The following KCNQ1 variants were observed in gnomAD, a reference collection of about 807,000 sequenced individuals.
The protein encoded by KCNQ1 is potassium voltage-gated channel subfamily KQT member 1.
A neutral mutation model predicts 72.4 loss-of-function variants in KCNQ1; 49 were observed. The observed-to-expected ratio is 0.68, with a 90% confidence interval of 0.54 to 0.86. KCNQ1 has a LOEUF of 0.86. KCNQ1 is among the 40% of genes least tolerant of loss of function. The pLI, the probability that KCNQ1 is intolerant of heterozygous loss-of-function variation, is 0.00. For synonymous variants in KCNQ1, 450 were observed against 412.6 expected (o/e 1.09, Z -1.10); for missense variants, 790 against 945.1 (o/e 0.84, Z 2.15).
rs1035141976 is a variant in KCNQ1, at chr11:2,616,894, G to T, written c.1393+28040G>T. On this transcript the variant is annotated intron_variant, in intron 10 of 15. Coordinates refer to ENST00000155840, the MANE Select transcript of KCNQ1 (RefSeq NM_000218.3). ...CCATATATGTTTGTAGGTCTAGTTG[G>T]TTTATGGTATTGTTCAAGTCCTCTC... is the stretch of plus-strand genomic sequence containing the variant. The T allele has an allele frequency of 3.5e-5, 14 of 397,864 alleles. No individual in the cohort carries two copies. In the Admixed American group the frequency reaches 6.2e-4, roughly 18 times the overall value. 24.6% of individuals were successfully genotyped at this position (397,864 alleles called of 1,614,324 possible).
At chr11:2,619,329 G>A (rs1181427624) in intron 10 of KCNQ1, 6 of 398,250 alleles carry the variant, frequency 1.5e-5, no homozygotes, top group Non-Finnish European at 2.7e-5. Context: ...AATGGCATTC[G>A]TTATATTGAG....
chr11:2,624,221 G>T lies in KCNQ1; in HGVS notation c.1393+35367G>T, dbSNP rs1338881960. 2 of 398,370 alleles carry T rather than the reference G, an allele frequency of 5.0e-6. No homozygotes were observed. Among genetic ancestry groups the T allele is most frequent in the Non-Finnish European group, 8.8e-6 (2 of 226,044 alleles). The allele number at this position is 398,370 out of a possible 1,614,324, so 24.7% of individuals were successfully genotyped here. A position where few individuals can be genotyped will look rare whatever the true frequency, so the allele number is the denominator to read the frequency against. On this transcript the variant is annotated intron_variant, in intron 10 of 15. Coordinates refer to ENST00000155840, the MANE Select transcript of KCNQ1 (RefSeq NM_000218.3). This position sits in a 1 kb window ranked among gnomAD's most constrained non-coding sequence, Gnocchi z 4.9. The stretch of plus-strand genomic sequence containing the variant: ...TAGTTGCCATCTGTATATCTTCATT[G>T]GTGAGATGTCTGTTAAGGTCTTCAG...
Position 2,728,583 on chromosome 11 carries a change from C to T in KCNQ1, c.1515-40261C>T, listed in dbSNP as rs1361367403. ...CTCTGGCACAGCCCACCAGCAGAGC[C>T]GGGCCTTGGGAGCGTGAGGGCACGG... On this transcript the variant is annotated intron_variant, in intron 11 of 15. Coordinates refer to ENST00000155840, the MANE Select transcript of KCNQ1 (RefSeq NM_000218.3). 3.3e-5 allele frequency among the ~76,000 whole-genome samples: 5 copies of T among 152,322 alleles called. No individual in the cohort carries two copies. The East Asian group carries it at 5.8e-4, about 18-fold the overall frequency.
intron 1 of KCNQ1, among the ~76,000 whole-genome samples, chr11:2,467,783 G>A (rs1306419750): frequency 1.3e-5 from 2 of 152,324 alleles, no homozygotes; most frequent in South Asian, 4.1e-4. Context: ...TTGCTCCCCT[G>A]ATCCCTTCCC....
intron 6 of KCNQ1, among the ~76,000 whole-genome samples, chr11:2,576,789 G>A (rs959391405): frequency 5.3e-5 from 8 of 152,240 alleles, no homozygotes; most frequent in African/African-American, 1.2e-4. Context: ...ACTGCCCAGC[G>A]GGAGGGGTGG....
chr11:2,842,027 C>T (rs559079031), intron 15 of KCNQ1, among the ~76,000 whole-genome samples: 8 of 152,192 alleles, frequency 5.3e-5, no homozygotes, highest in Admixed American at 5.2e-4. Flanking sequence ...AGGACATAAC[C>T]GACCATGAGC....
At position 2,445,399 on chromosome 11, in the gene KCNQ1, T is replaced by C. The variant is rs1186850886; in HGVS notation, c.301T>C (p.Leu101=). Residue 101 remains leucine, a synonymous_variant, in exon 1 of 16, where the codon TTG becomes CTG. Transcript: ENST00000155840. ...CATCTACAGCACGCGCCGCCCGGTGTTGGCGCGCACCCACGTCCAGGGCCG... is the reference window on the plus strand; with the variant it reads ...CATCTACAGCACGCGCCGCCCGGTGCTGGCGCGCACCCACGTCCAGGGCCG... ...VSIYSTRRPV[L]ARTHVQGRVY... The C allele has an allele frequency of 3.1e-6, 5 of 1,597,754 alleles. No individual in the cohort carries two copies. The highest frequency in any genetic ancestry group is 4.2e-6 in the Non-Finnish European group (5 of 1,179,692).
intron 15 of KCNQ1, among the ~76,000 whole-genome samples, chr11:2,802,423 A>G (rs1199269442): frequency 6.6e-6 from 1 of 152,178 alleles, no homozygotes; most frequent in Non-Finnish European, 1.5e-5. Flanking sequence ...GGAATGTGCC[A>G]TCCTCGGGCG....
Position 2,599,062 on chromosome 11 carries a change from G to A in KCNQ1, c.1393+10208G>A, listed in dbSNP as rs574845855. ...ATTCACACTTTAACTTTACAGATGAGTAGAATGGAATAGATGTGTTTCAGT... is the reference window on the plus strand; with the variant it reads ...ATTCACACTTTAACTTTACAGATGAATAGAATGGAATAGATGTGTTTCAGT... On this transcript the variant is annotated intron_variant, in intron 10 of 15. Coordinates refer to ENST00000155840, the MANE Select transcript of KCNQ1 (RefSeq NM_000218.3). This position sits in a 1 kb window ranked among gnomAD's most constrained non-coding sequence, Gnocchi z 4.7. Among the ~76,000 whole-genome samples, 2 of 152,190 alleles carry A rather than the reference G, an allele frequency of 1.3e-5. No homozygotes were observed. The highest frequency in any genetic ancestry group is 2.9e-5 in the Non-Finnish European group (2 of 68,040).
Position 2,538,351 on chromosome 11 carries a change from G to A in KCNQ1, c.477+10333G>A, listed in dbSNP as rs536452246. Among the ~76,000 whole-genome samples, 2 of 152,252 alleles carry A rather than the reference G, an allele frequency of 1.3e-5. No individual in the cohort carries two copies. The highest frequency in any genetic ancestry group is 4.8e-5 in the African/African-American group (2 of 41,538). On this transcript the variant is annotated intron_variant, in intron 2 of 15. Coordinates refer to ENST00000155840, the MANE Select transcript of KCNQ1 (RefSeq NM_000218.3). The surrounding 1 kb of genome is among the most constrained non-coding windows in gnomAD (Gnocchi z 6.7). ...CTTGGGGACAGTCCCCTGGCCCCAC[G>A]GATGTTGTGTGGACGAGTTGGAGGG... is the stretch of plus-strand genomic sequence containing the variant.
intron 1 of KCNQ1, among the ~76,000 whole-genome samples, chr11:2,517,082 A>G (rs1184770103): frequency 6.6e-6 from 1 of 152,170 alleles, no homozygotes; most frequent in Non-Finnish European, 1.5e-5. Context: ...CACGCTCCGC[A>G]CTGAGGTGTG....
intron 11 of KCNQ1, chr11:2,684,109 A>G: frequency 2.5e-6 from 1 of 398,640 alleles, no homozygotes; most frequent in Non-Finnish European, 4.4e-6. Flanking sequence ...ACCCTTTCAC[A>G]TAGATTCTTA....
chr11:2,618,500 G>A (rs960202439), intron 10 of KCNQ1: 1 of 398,342 alleles, frequency 2.5e-6, no homozygotes, highest in Non-Finnish European at 4.4e-6. Flanking sequence ...GTGGAAAATT[G>A]GTTGATCATA....
chr11:2,702,361 C>T (rs1850830139), intron 11 of KCNQ1, among the ~76,000 whole-genome samples: 1 of 152,206 alleles, frequency 6.6e-6, no homozygotes, highest in Non-Finnish European at 1.5e-5. Flanking sequence ...TGTCTCCCAG[C>T]CTTTGTTGTT....
intron 12 of KCNQ1, among the ~76,000 whole-genome samples, chr11:2,770,831 AAG>A (rs1846583690): frequency 6.6e-6 from 1 of 152,216 alleles, no homozygotes; most frequent in Non-Finnish European, 1.5e-5. Context: ...GGGGCAATGG[AAG>A]AGAGAGGCCA....
At position 2,668,242 on chromosome 11, in the gene KCNQ1, T is replaced by G; in HGVS notation, c.1514+6161T>G. On this transcript the variant is annotated intron_variant, in intron 11 of 15. Coordinates refer to ENST00000155840, the MANE Select transcript of KCNQ1 (RefSeq NM_000218.3). This position sits in a 1 kb window ranked among gnomAD's most constrained non-coding sequence, Gnocchi z 4.3. ...TACCACCTGTGGCCAGCAGGCAGTT[T>G]CTGGTGTAGGTTGCTGTTTAAGAAT... 2 of 398,646 alleles carry G rather than the reference T, an allele frequency of 5.0e-6. No individual in the cohort carries two copies. The highest frequency in any genetic ancestry group is 8.8e-6 in the Non-Finnish European group (2 of 226,096). The allele number at this position is 398,646 out of a possible 1,614,324, so 24.7% of individuals were successfully genotyped here. A position where few individuals can be genotyped will look rare whatever the true frequency, so the allele number is the denominator to read the frequency against.
In KCNQ1 at chr11:2,748,172, C is replaced by T. The variant is rs1005209863; in HGVS notation, c.1515-20672C>T. On this transcript the variant is annotated intron_variant, in intron 11 of 15. Transcript: ENST00000155840. The surrounding 1 kb of genome is among the most constrained non-coding windows in gnomAD (Gnocchi z 6.2). ...GACACCCAGAACTGGCCAGGAAAGA[C>T]CCCTACACAGACCCCCAGCTCTGCA... Among the ~76,000 whole-genome samples the T allele has an allele frequency of 6.6e-6, 1 of 152,144 alleles. No homozygotes were observed. Among genetic ancestry groups the T allele is most frequent in the African/African-American group, 2.4e-5 (1 of 41,422 alleles).
In KCNQ1 at chr11:2,683,429, G is replaced by A; in HGVS notation, c.1514+21348G>A. On this transcript the variant is annotated intron_variant, in intron 11 of 15. Transcript: ENST00000155840. This position sits in a 1 kb window ranked among gnomAD's most constrained non-coding sequence, Gnocchi z 4.7. ...ATGGCTAAGCTTTCCCCAGGAATGG[G>A]TAACTGGAAAAATGTAGGAATTACA... is the stretch of plus-strand genomic sequence containing the variant. 1 of 398,612 alleles carries A rather than the reference G, an allele frequency of 2.5e-6. No individual in the cohort carries two copies. Among genetic ancestry groups the A allele is most frequent in the Non-Finnish European group, 4.4e-6 (1 of 226,068 alleles). The allele number at this position is 398,612 out of a possible 1,614,324, so 24.7% of individuals were successfully genotyped here.
At chr11:2,591,042 T>C (rs1848664057) in intron 10 of KCNQ1, among the ~76,000 whole-genome samples, 1 of 152,226 alleles carries the variant, frequency 6.6e-6, no homozygotes. Context: ...CATCCATCTC[T>C]CCCTCTCGGA....
Sources: allele counts gnomAD v4.1 joint callset (sites outside exome capture counted in the v4.1 genomes callset), GRCh38; gene constraint gnomAD v4.1.1; non-coding constraint Gnocchi (gnomAD v3.1); transcripts MANE v1.5; gene names NCBI Gene and HGNC (gene_info 2026-07-23, HGNC 2026-07-21).